The following GSE1 variants were observed in gnomAD, a reference collection of about 807,000 sequenced individuals.
The protein encoded by GSE1 is genetic suppressor element 1.
In GSE1, 32 loss-of-function variants were observed where a neutral mutation model predicts 112.6. The observed-to-expected ratio is 0.28, with a 90% confidence interval of 0.21 to 0.38. The LOEUF is 0.38. GSE1 is among the 10% of genes least tolerant of loss of function. GSE1 has a pLI of 1.00. For missense variants in GSE1, 2,348 were observed against 1,699.2 expected (o/e 1.38, Z -6.71); for synonymous variants, 1,115 against 735.6 (o/e 1.52, Z -8.35).
chr16:85,258,688 C>G (rs1047812962), intron 1 of GSE1, among the ~76,000 whole-genome samples: 1 of 152,082 alleles, frequency 6.6e-6, no homozygotes, highest in African/African-American at 2.4e-5. Context: ...GAGGGGTTCC[C>G]AGATGTCCTT....
exon 2 of GSE1, chr16:85,357,538 C>T: frequency 7.8e-7 from 1 of 1,282,062 alleles, no homozygotes; most frequent in Non-Finnish European, 1.0e-6. Context: ...GCCACGCGCC[C>T]CCACGGAGAC....
Position 85,656,376 on chromosome 16 carries a change from GGAGCGCGAGCGCGAGCGCGAGCGT to G in GSE1, c.1029_1052del (p.Arg345_Glu352del). The G allele has an allele frequency of 6.3e-7, 1 of 1,598,682 alleles. No homozygotes were observed. Among genetic ancestry groups the G allele is most frequent in the Non-Finnish European group, 8.5e-7 (1 of 1,172,194 alleles). On this transcript the variant is annotated inframe_deletion, in exon 7 of 16. Coordinates refer to ENST00000253458, the MANE Select transcript of GSE1 (RefSeq NM_014615.5). ...TGGACGAGGAGCTAAGGCGGGAGAG[GGAGCGCGAGCGCGAGCGCGAGCGT>G]GAGCGTGAGGCTGACCGCGAGCGGG...
At chr16:85,496,328 TGAGCGATGGCGTTTGCATGGCTGACGCC>T (rs539290726) in intron 2 of GSE1, among the ~76,000 whole-genome samples, 1,845 of 152,352 alleles carry the variant, frequency 0.012, 40 homozygotes, top group African/African-American at 0.042. Context: ...TTATGCTGCG[TGAGCGATGGCGTTTGCATGGCTGACGCC>T]GAGCACCGCT....
intron 2 of GSE1, among the ~76,000 whole-genome samples, chr16:85,411,350 A>T (rs540845159): frequency 2.2e-4 from 4 of 18,204 alleles, no homozygotes; most frequent in African/African-American, 8.0e-4. Flanking sequence ...GCCCCCCTGG[A>T]TAATCCTCAC....
intron 2 of GSE1, among the ~76,000 whole-genome samples, chr16:85,462,569 C>T (rs2049997232): frequency 6.6e-6 from 1 of 151,322 alleles, no homozygotes; most frequent in South Asian, 2.1e-4. Context: ...ACTGTCACGG[C>T]GGAGCCTTAA....
chr16:85,508,222 T>C (rs1020307061), intron 2 of GSE1, among the ~76,000 whole-genome samples: 7 of 152,124 alleles, frequency 4.6e-5, no homozygotes, highest in Admixed American at 2.0e-4. Flanking sequence ...TTAGTAGAGA[T>C]GGGGTTTCAC....
chr16:85,556,262 C>T (rs1419134777), exon 1 of GSE1: 14 of 984,148 alleles, frequency 1.4e-5, no homozygotes, highest in Non-Finnish European at 1.7e-5. Flanking sequence ...TTGTTCATTC[C>T]TGGGTTTTAA....
At position 85,491,072 on chromosome 16, in the gene GSE1, C is replaced by T. The variant is rs773403947; in HGVS notation, c.2464+133429C>T. ...CCCTCCTTGAGGTAGGTCCTGCAGG[C>T]GCCGGGGGAGGGGTACAGCTGGGCC... is the stretch of plus-strand genomic sequence containing the variant. On this transcript the variant is annotated intron_variant, in intron 2 of 2. Coordinates refer to the GSE1 transcript ENST00000637419. Among the ~76,000 whole-genome samples, 10 of 152,306 alleles carry T rather than the reference C, an allele frequency of 6.6e-5. No individual in the cohort carries two copies. The East Asian group carries it at 9.7e-4, about 15-fold the overall frequency.
chr16:85,463,866 T>C (rs2050049407), intron 2 of GSE1, among the ~76,000 whole-genome samples: 1 of 152,062 alleles, frequency 6.6e-6, no homozygotes, highest in African/African-American at 2.4e-5. Flanking sequence ...GGTGGGCCAC[T>C]GAGGTCCTCA....
At chr16:85,178,291 G>A (rs1479005096) in intron 1 of GSE1, among the ~76,000 whole-genome samples, 10 of 152,184 alleles carry the variant, frequency 6.6e-5, no homozygotes. Flanking sequence ...GCTCCTGGCA[G>A]AGGAGCAAGT....
intron 2 of GSE1, among the ~76,000 whole-genome samples, chr16:85,426,514 G>C (rs1330753345): frequency 1.5e-5 from 1 of 66,130 alleles, no homozygotes; most frequent in Non-Finnish European, 2.9e-5. Context: ...GGATGGAAGA[G>C]TGGGTGGAAG....
chr16:85,644,574 G>A (rs1032956630), intron 2 of GSE1, among the ~76,000 whole-genome samples: 4 of 152,170 alleles, frequency 2.6e-5, no homozygotes, highest in Admixed American at 6.5e-5. Flanking sequence ...GAAGGGCCAC[G>A]CGGTGGGATT....
intron 2 of GSE1, among the ~76,000 whole-genome samples, chr16:85,480,642 C>A (rs953276410): frequency 6.6e-6 from 1 of 152,046 alleles, no homozygotes; most frequent in Non-Finnish European, 1.5e-5. Flanking sequence ...TCCTGGGAGA[C>A]AGAGCAGGGA....
Position 85,222,287 on chromosome 16 carries a change from G to A in GSE1, c.2283+50480G>A, listed in dbSNP as rs561150135. On this transcript the variant is annotated intron_variant, in intron 1 of 2. Coordinates refer to the GSE1 transcript ENST00000637419. ...ATTTGTCCAGAATGTCAGCATGGGA[G>A]CCCAGGTCCCGGGCTGGGGCCAGCG... Among the ~76,000 whole-genome samples the A allele has an allele frequency of 3.9e-5, 6 of 152,324 alleles. No homozygotes were observed. In the East Asian group the frequency reaches 1.2e-3, roughly 30 times the overall value.
chr16:85,238,461 T>C (rs1041680197), intron 1 of GSE1, among the ~76,000 whole-genome samples: 7 of 152,176 alleles, frequency 4.6e-5, no homozygotes, highest in African/African-American at 1.7e-4. Context: ...GGCTCCGGGC[T>C]CTGCAGGCGG....
intron 2 of GSE1, among the ~76,000 whole-genome samples, chr16:85,482,904 G>T (rs1445216803): frequency 6.6e-6 from 1 of 151,854 alleles, no homozygotes; most frequent in Non-Finnish European, 1.5e-5. Flanking sequence ...CTTGAACCCA[G>T]GAGGCAGAGG....
At chr16:85,370,866 G>T (rs2047283645) in intron 2 of GSE1, among the ~76,000 whole-genome samples, 1 of 152,248 alleles carries the variant, frequency 6.6e-6, no homozygotes, top group Non-Finnish European at 1.5e-5. Context: ...AGGGAAGGCA[G>T]GAAGTGGCTG....
Position 85,672,649 on chromosome 16 carries a change from T to C in GSE1, c.*110T>C. ...AGGTTTGAAGCTTACAAAATGAGAATGTGCCATGCATGAAGCAAAGGATTC... is the reference window on the plus strand; with the variant it reads ...AGGTTTGAAGCTTACAAAATGAGAACGTGCCATGCATGAAGCAAAGGATTC... On this transcript the variant is annotated 3_prime_UTR_variant, in exon 16 of 16. Transcript: ENST00000253458. The C allele has an allele frequency of 1.3e-6, 1 of 743,956 alleles. No homozygotes were observed. Among genetic ancestry groups the C allele is most frequent in the Admixed American group, 3.3e-5 (1 of 30,504 alleles). 46.1% of individuals were successfully genotyped at this position (743,956 alleles called of 1,614,324 possible).
At position 85,237,925 on chromosome 16, in the gene GSE1, G is replaced by A. The variant is rs149151941; in HGVS notation, c.2283+66118G>A. 2.2e-3 allele frequency among the ~76,000 whole-genome samples: 334 copies of A among 152,310 alleles called. 4 individuals are homozygous for A. Among genetic ancestry groups the A allele is most frequent in the African/African-American group, 7.7e-3 (319 of 41,566 alleles). On this transcript the variant is annotated intron_variant, in intron 1 of 2. Transcript: ENST00000637419. ...GCCTATCTGCTGCTCCAACCCCAGCGTCATGAACAGGGCCTGGGACATCGT... is the reference window on the plus strand; with the variant it reads ...GCCTATCTGCTGCTCCAACCCCAGCATCATGAACAGGGCCTGGGACATCGT...
Sources: gnomAD v4.1 joint callset for allele counts (sites outside exome capture counted in the v4.1 genomes callset) on GRCh38, gnomAD v4.1.1 for gene constraint, MANE v1.5 for transcripts, NCBI Gene and HGNC (gene_info 2026-07-23, HGNC 2026-07-21) for gene names.